The following FHIT variants were observed in gnomAD, a reference collection of about 807,000 sequenced individuals.
FHIT encodes fragile histidine triad diadenosine triphosphatase.
FHIT carries 19 observed loss-of-function variants against 17.9 expected under a neutral mutation model. The observed-to-expected ratio is 1.06, with a 90% CI of 0.74 to 1.56. FHIT has a LOEUF of 1.56. FHIT is among the 40% of genes most tolerant of loss of function. FHIT has a pLI of 0.00. For missense variants in FHIT, 248 were observed against 189.2 expected, an observed-to-expected ratio of 1.31 and a Z score of -1.82; for synonymous variants, 81 against 69.7, an observed-to-expected ratio of 1.16 and a Z score of -0.81.
At chr3:60,464,088 A>T (rs968608249) in intron 5 of FHIT, among the ~76,000 whole-genome samples, 1 of 152,164 alleles carries the variant, frequency 6.6e-6, no homozygotes, top group African/African-American at 2.4e-5. Context: ...AAACAGAAGT[A>T]AACAAGTAAA....
At chr3:61,078,791 T>C (rs896079304) in intron 2 of FHIT, among the ~76,000 whole-genome samples, 4 of 152,174 alleles carry the variant, frequency 2.6e-5, no homozygotes, top group South Asian at 4.1e-4. Context: ...ATATTAATAA[T>C]TCACTCACAT....
intron 5 of FHIT, among the ~76,000 whole-genome samples, chr3:60,105,599 G>A (rs556378109): frequency 6.6e-6 from 1 of 152,042 alleles, no homozygotes; most frequent in Admixed American, 6.6e-5. Flanking sequence ...CTCAGCTAAT[G>A]GTACCTATAA....
chr3:60,174,689 T>C (rs1701586319), intron 5 of FHIT, among the ~76,000 whole-genome samples: 1 of 152,134 alleles, frequency 6.6e-6, no homozygotes, highest in South Asian at 2.1e-4. Context: ...AAATTAACCA[T>C]TTAAAATAAA....
In FHIT at chr3:60,331,574, T is replaced by C. The variant is rs150279460; in HGVS notation, c.103+205286A>G. The stretch of plus-strand genomic sequence containing the variant: ...CATAGAAATATACTCGGTCCGGGTA[T>C]GGTGGCTTGCGCCTGTAATCCCAGC... On this transcript the variant is annotated intron_variant, in intron 5 of 9. Transcript: ENST00000492590. Among the ~76,000 whole-genome samples, 391 of 152,268 alleles carry C rather than the reference T, an allele frequency of 2.6e-3. 5 individuals carry two copies. Among genetic ancestry groups the C allele is most frequent in the Middle Eastern group, 0.024 (7 of 294 alleles).
rs55852235 is a variant in FHIT at position 60,700,130 on chromosome 3, C to CAAA, written c.-18+121786_-18+121788dup. ...TGGGCAGCAGAGCGAGAGTCTGTCT[C>CAAA]AAAAAAAAAAAAAAAATACACAGGT... On this transcript the variant is annotated intron_variant, in intron 4 of 9. Transcript: ENST00000492590. Among the ~76,000 whole-genome samples, 5 of 134,484 alleles carry CAAA rather than the reference C, an allele frequency of 3.7e-5. 1 individual carries two copies. Among genetic ancestry groups the CAAA allele is most frequent in the South Asian group, 2.5e-4 (1 of 4,074 alleles). The allele number at this position is 134,484 out of a possible 152,430, so 88.2% of individuals were successfully genotyped here.
chr3:60,607,095 G>A (rs2038632706), intron 4 of FHIT, among the ~76,000 whole-genome samples: 1 of 152,014 alleles, frequency 6.6e-6, no homozygotes, highest in Non-Finnish European at 1.5e-5. Context: ...TCTGTCATCA[G>A]GAATTAGAAA....
chr3:61,110,980 T>C (rs1293658369), intron 2 of FHIT, among the ~76,000 whole-genome samples: 1 of 152,212 alleles, frequency 6.6e-6, no homozygotes, highest in African/African-American at 2.4e-5. Flanking sequence ...AGTCTGAAAC[T>C]CTCCAGCGCC....
At chr3:59,801,837 T>A (rs781204650) in intron 8 of FHIT, among the ~76,000 whole-genome samples, 1 of 152,200 alleles carries the variant, frequency 6.6e-6, no homozygotes, top group Non-Finnish European at 1.5e-5. Context: ...CTCCATGGCA[T>A]GCCCTCTGAC....
chr3:60,009,376 T>C (rs1700055736), intron 7 of FHIT, among the ~76,000 whole-genome samples: 1 of 152,112 alleles, frequency 6.6e-6, no homozygotes, highest in Admixed American at 6.6e-5. Context: ...AACAGAATCG[T>C]TTTAAAAAGT....
At chr3:60,277,599 G>A (rs1707216141) in intron 5 of FHIT, among the ~76,000 whole-genome samples, 1 of 152,152 alleles carries the variant, frequency 6.6e-6, no homozygotes, top group Non-Finnish European at 1.5e-5. Flanking sequence ...TTCCTCGCAT[G>A]TTATGTAAAC....
At chr3:59,873,987 C>T (rs535726331) in intron 8 of FHIT, among the ~76,000 whole-genome samples, 7 of 151,980 alleles carry the variant, frequency 4.6e-5, no homozygotes, top group African/African-American at 1.2e-4. Context: ...TCTGGTGAAC[C>T]GGTCTCCTCT....
chr3:60,981,040 G>A (rs954314921), intron 3 of FHIT, among the ~76,000 whole-genome samples: 2 of 152,156 alleles, frequency 1.3e-5, no homozygotes, highest in Non-Finnish European at 2.9e-5. Context: ...TGTCTCTAGT[G>A]TCCTCCTGGA....
At chr3:60,457,669 T>G (rs1004798926) in intron 5 of FHIT, among the ~76,000 whole-genome samples, 5 of 151,746 alleles carry the variant, frequency 3.3e-5, no homozygotes, top group African/African-American at 1.2e-4. Flanking sequence ...AGAAAATTTT[T>G]GCAATCTACT....
chr3:59,915,718 T>C (rs1425819454), intron 8 of FHIT, among the ~76,000 whole-genome samples: 3 of 152,114 alleles, frequency 2.0e-5, no homozygotes, highest in Admixed American at 1.3e-4. Flanking sequence ...GCCAGGAGGA[T>C]TGCTTGAGGC....
rs559258438 is a variant in FHIT at position 60,930,695 on chromosome 3, C to T, written c.-110-108684G>A. The stretch of plus-strand genomic sequence containing the variant: ...ATCTCACACCAGTTAGAATGGCGAT[C>T]ATTAAAAAGTCAGGAAACAACAGGT... On this transcript the variant is annotated intron_variant, in intron 3 of 9. Coordinates refer to ENST00000492590, the MANE Select transcript of FHIT (RefSeq NM_002012.4). Among the ~76,000 whole-genome samples, 878 of 152,192 alleles carry T rather than the reference C, an allele frequency of 5.8e-3. 6 individuals carry two copies. The highest frequency in any genetic ancestry group is 0.02 in the African/African-American group (825 of 41,500).
chr3:59,899,615 C>T (rs1020071881), intron 8 of FHIT, among the ~76,000 whole-genome samples: 13 of 152,042 alleles, frequency 8.6e-5, no homozygotes, highest in African/African-American at 2.7e-4. Context: ...GGACGGATTG[C>T]CTGAGCTCAG....
intron 7 of FHIT, among the ~76,000 whole-genome samples, chr3:60,005,922 C>T (rs1274109913): frequency 6.6e-6 from 1 of 152,104 alleles, no homozygotes; most frequent in Non-Finnish European, 1.5e-5. Flanking sequence ...AGCAGCAGCC[C>T]CCTACAAGTG....
At chr3:61,115,586 G>A (rs1167838059) in intron 2 of FHIT, among the ~76,000 whole-genome samples, 2 of 152,162 alleles carry the variant, frequency 1.3e-5, no homozygotes, top group Non-Finnish European at 2.9e-5. Context: ...TGACAGGGAA[G>A]GGAAGTCCTG....
At chr3:61,209,187 C>G (rs1192796669) in intron 1 of FHIT, among the ~76,000 whole-genome samples, 1 of 152,212 alleles carries the variant, frequency 6.6e-6, no homozygotes, top group Non-Finnish European at 1.5e-5. Flanking sequence ...GAGAGATCCG[C>G]TGTTAGTCTG....
Sources: gnomAD v4.1 joint callset for allele counts (sites outside exome capture counted in the v4.1 genomes callset) on GRCh38, gnomAD v4.1.1 for gene constraint, MANE v1.5 for transcripts, NCBI Gene and HGNC (gene_info 2026-07-23, HGNC 2026-07-21) for gene names.